SLC39A11: variants seen among roughly 807,000 people sequenced by gnomAD.
SLC39A11 encodes the protein zinc transporter ZIP11.
SLC39A11 carries 33 observed loss-of-function variants against 36.1 expected under a neutral mutation model. That is an observed-to-expected ratio of 0.91 (90% confidence interval 0.69 to 1.22). The LOEUF is 1.22. SLC39A11 is among the 50% of genes most tolerant of loss of function. The pLI is 0.00. For missense variants in SLC39A11, 432 were observed against 430.3 expected (o/e 1.00, Z -0.03); for synonymous variants, 166 against 170.3 (o/e 0.97, Z 0.20).
chr17:72,709,154 C>T (rs1326575858), intron 7 of SLC39A11, among the ~76,000 whole-genome samples: 8 of 152,084 alleles, frequency 5.3e-5, no homozygotes, highest in Non-Finnish European at 1.0e-4. Context: ...TAGCCAGGAT[C>T]GTCTCAATCT....
At chr17:72,987,073 C>T (rs8077317) in intron 4 of SLC39A11, among the ~76,000 whole-genome samples, 78,888 of 151,882 alleles carry the variant, frequency 0.52, 21,393 homozygotes, top group Middle Eastern at 0.7. Flanking sequence ...TTGTTGCCCT[C>T]CCCACAGTAA....
intron 4 of SLC39A11, among the ~76,000 whole-genome samples, chr17:72,973,271 G>T (rs570727551): frequency 4.0e-4 from 60 of 151,756 alleles, no homozygotes; most frequent in African/African-American, 1.3e-3. Flanking sequence ...GTCAGCAGAA[G>T]GACCAGGGTC....
In SLC39A11 at chr17:73,080,997, C is replaced by T. The variant is rs1252765262; in HGVS notation, c.147+3811G>A. On this transcript the variant is annotated intron_variant, in intron 3 of 9. Transcript: ENST00000255559. ...AAATAAATAAATAAATAATAAAAAG[C>T]TTCTTCACAGCAAAAGAAATAATCA... 2.0e-5 allele frequency among the ~76,000 whole-genome samples: 3 copies of T among 148,608 alleles called. No individual in the cohort carries two copies. In the Admixed American group the frequency reaches 2.0e-4, roughly 10 times the overall value.
intron 7 of SLC39A11, among the ~76,000 whole-genome samples, chr17:72,672,260 C>T (rs2071056090): frequency 6.6e-6 from 1 of 152,140 alleles, no homozygotes; most frequent in South Asian, 2.1e-4. Context: ...ACCAACCTGG[C>T]CAACACAGTG....
chr17:72,994,797 T>A (rs924626499), intron 4 of SLC39A11, among the ~76,000 whole-genome samples: 1 of 152,200 alleles, frequency 6.6e-6, no homozygotes, highest in African/African-American at 2.4e-5. Context: ...GACTTTCAAA[T>A]CAAATGCCCT....
intron 6 of SLC39A11, among the ~76,000 whole-genome samples, chr17:72,792,982 C>A (rs972736161): frequency 6.6e-6 from 1 of 152,080 alleles, no homozygotes; most frequent in African/African-American, 2.4e-5. Flanking sequence ...CTACTGCCGG[C>A]GGGGTGGGGG....
At chr17:72,801,698 A>G (rs2077089393) in intron 6 of SLC39A11, among the ~76,000 whole-genome samples, 1 of 152,222 alleles carries the variant, frequency 6.6e-6, no homozygotes, top group Non-Finnish European at 1.5e-5. Context: ...GCATTTTAAA[A>G]AAGAAAAATT....
chr17:72,681,416 G>A (rs549383679), intron 7 of SLC39A11, among the ~76,000 whole-genome samples: 172 of 152,326 alleles, frequency 1.1e-3, no homozygotes, highest in Non-Finnish European at 2.0e-3. Context: ...TGGGTGGAAA[G>A]TTGGAGGGAA....
At chr17:72,802,630 A>G (rs2077127062) in intron 6 of SLC39A11, among the ~76,000 whole-genome samples, 2 of 151,234 alleles carry the variant, frequency 1.3e-5, no homozygotes, top group African/African-American at 4.9e-5. Context: ...AGAAAATCAC[A>G]TGGGTTAATT....
chr17:72,674,077 T>A (rs186964492), intron 7 of SLC39A11, among the ~76,000 whole-genome samples: 174 of 151,940 alleles, frequency 1.1e-3, no homozygotes, highest in Admixed American at 4.3e-3. Flanking sequence ...TTAAAAAAAA[T>A]AAATAAATAA....
intron 5 of SLC39A11, among the ~76,000 whole-genome samples, chr17:72,882,360 TA>T (rs11332921): frequency 0.44 from 55,200 of 125,994 alleles, 11,582 homozygotes; most frequent in East Asian, 0.71. Context: ...TTCCTATATC[TA>T]AAAAAAAAAA....
chr17:73,064,714 C>G (rs1253478676), intron 3 of SLC39A11, among the ~76,000 whole-genome samples: 1 of 152,112 alleles, frequency 6.6e-6, no homozygotes, highest in Non-Finnish European at 1.5e-5. Flanking sequence ...TGGGAGCCAC[C>G]AGGGAAGGGA....
chr17:73,005,665 G>A lies in SLC39A11; in HGVS notation c.306+25891C>T, dbSNP rs575515696. Among the ~76,000 whole-genome samples the A allele has an allele frequency of 3.0e-4, 45 of 152,292 alleles. No homozygotes were observed. In the South Asian group the frequency reaches 8.7e-3, roughly 29 times the overall value. On this transcript the variant is annotated intron_variant, in intron 4 of 9. Transcript: ENST00000255559. ...TCTGTGATCACATCACCACCTGAGT[G>A]ACCTCAGCCATGGTGGCTCACGCCT...
At chr17:73,018,584 T>G (rs1326316427) in intron 4 of SLC39A11, among the ~76,000 whole-genome samples, 3 of 151,652 alleles carry the variant, frequency 2.0e-5, no homozygotes, top group African/African-American at 7.3e-5. Flanking sequence ...AATAAATCAA[T>G]CTATAGACCC....
chr17:73,039,347 A>G (rs571089419), intron 3 of SLC39A11, among the ~76,000 whole-genome samples: 3 of 151,928 alleles, frequency 2.0e-5, no homozygotes, highest in South Asian at 2.1e-4. Flanking sequence ...TAGATTCATC[A>G]CTCGTGTCCA....
chr17:72,836,346 C>CTTT (rs11385302), intron 6 of SLC39A11, among the ~76,000 whole-genome samples: 3 of 145,628 alleles, frequency 2.1e-5, no homozygotes, highest in East Asian at 2.0e-4. Context: ...TGGCCTCGGG[C>CTTT]TTTTTTTTTT....
intron 3 of SLC39A11, among the ~76,000 whole-genome samples, chr17:73,060,491 G>C (rs1247936748): frequency 6.6e-6 from 1 of 151,968 alleles, no homozygotes; most frequent in East Asian, 1.9e-4. Flanking sequence ...TTATTTCATA[G>C]TTACTTGTGA....
chr17:72,813,713 G>T (rs1331050982), intron 6 of SLC39A11, among the ~76,000 whole-genome samples: 2 of 152,216 alleles, frequency 1.3e-5, no homozygotes, highest in Admixed American at 1.3e-4. Context: ...TGCCAGGAAA[G>T]CAATGAGCTT....
Position 73,031,611 on chromosome 17 carries a change from C to G in SLC39A11, c.251G>C (p.Gly84Ala), listed in dbSNP as rs761663268. 6.2e-7 allele frequency: 1 copy of G among 1,614,140 alleles called. No individual in the cohort carries two copies. Among genetic ancestry groups the G allele is most frequent in the Admixed American group, 1.7e-5 (1 of 60,004 alleles). ...GAFAFFPVAV[G>A]FTLGAAFVYL... The stretch of plus-strand genomic sequence containing the variant: ...GACAAAAGCCGCTCCAAGGGTGAAG[C>G]CAACAGCCACAGGGAAGAAGGCAAA... Residue 84 changes from glycine to alanine, a missense_variant, in exon 4 of 10, where the codon GGC (glycine) becomes GCC (alanine). Transcript: ENST00000255559.
Sources: allele counts gnomAD v4.1 joint callset (sites outside exome capture counted in the v4.1 genomes callset), GRCh38; gene constraint gnomAD v4.1.1; transcripts MANE v1.5; gene names NCBI Gene and HGNC (gene_info 2026-07-23, HGNC 2026-07-21).